The following CADPS2 variants were observed in gnomAD, a reference collection of about 807,000 sequenced individuals.
CADPS2 encodes the protein calcium dependent secretion activator 2.
CADPS2 carries 93 observed loss-of-function variants against 172.5 expected under a neutral mutation model. That is an observed-to-expected ratio of 0.54 (90% confidence interval 0.46 to 0.64). The LOEUF is 0.64. Among genes scored for constraint, CADPS2 ranks in the 30% least tolerant of loss-of-function variants. CADPS2 has a pLI of 0.00. For synonymous variants in CADPS2, 546 were observed against 555.2 expected (o/e 0.98, Z 0.23); for missense variants, 1,420 against 1,565.9 (o/e 0.91, Z 1.57).
At chr7:122,626,053 G>A (rs2134097324) in intron 4 of CADPS2, among the ~76,000 whole-genome samples, 1 of 152,344 alleles carries the variant, frequency 6.6e-6, no homozygotes, top group South Asian at 2.1e-4. Flanking sequence ...CATCGCCAAA[G>A]TGGATTGAGC....
intron 7 of CADPS2, among the ~76,000 whole-genome samples, chr7:122,562,101 T>C (rs914480620): frequency 6.6e-6 from 1 of 152,218 alleles, no homozygotes; most frequent in African/African-American, 2.4e-5. Flanking sequence ...TCTCAAAATC[T>C]ATGAAACTTT....
intron 14 of CADPS2, 141 bp downstream of exon 14, chr7:122,471,232 TTC>T: frequency 1.5e-6 from 1 of 681,526 alleles, no homozygotes; most frequent in Non-Finnish European, 2.3e-6. Flanking sequence ...GCACACTTTT[TTC>T]TCTGTCGTTT....
intron 1 of CADPS2, among the ~76,000 whole-genome samples, chr7:122,780,683 T>C (rs947719121): frequency 1.3e-5 from 2 of 152,166 alleles, no homozygotes; most frequent in Non-Finnish European, 2.9e-5. Flanking sequence ...TATTATTTTT[T>C]ATTTTTTGAG....
chr7:122,318,811 G>A lies in CADPS2; in HGVS notation c.*1354C>T, dbSNP rs1316534524. The A allele has an allele frequency of 6.6e-6, 1 of 152,136 alleles. No homozygotes were observed. Among genetic ancestry groups the A allele is most frequent in the Non-Finnish European group, 1.5e-5 (1 of 68,020 alleles). The allele number at this position is 152,136 out of a possible 1,614,324, so 9.4% of individuals were successfully genotyped here. ...CCTAACGACCACTTATTACACCATG[G>A]GAGAACGAATCTGGAGGTCCAAGTT... is the stretch of plus-strand genomic sequence containing the variant. On this transcript the variant is annotated 3_prime_UTR_variant, in exon 30 of 30. Coordinates refer to ENST00000449022, the MANE Select transcript of CADPS2 (RefSeq NM_017954.11).
At chr7:122,662,160 C>G (rs1563995352) in intron 3 of CADPS2, among the ~76,000 whole-genome samples, 1 of 152,038 alleles carries the variant, frequency 6.6e-6, no homozygotes, top group Non-Finnish European at 1.5e-5. Flanking sequence ...TAAAAACAAA[C>G]ATGTATATTA....
chr7:122,651,820 C>A (rs2079179681), intron 3 of CADPS2, among the ~76,000 whole-genome samples: 1 of 152,012 alleles, frequency 6.6e-6, no homozygotes, highest in Non-Finnish European at 1.5e-5. Flanking sequence ...TTTTAAGAGA[C>A]AAATATAGAA....
At chr7:122,816,953 A>G (rs916645817) in intron 1 of CADPS2, among the ~76,000 whole-genome samples, 3 of 151,744 alleles carry the variant, frequency 2.0e-5, no homozygotes, top group African/African-American at 7.3e-5. Context: ...TGGCTCAAAA[A>G]GCACCCCCAC....
chr7:122,663,654 C>T, intron 2 of CADPS2, 85 bp from the exon 3 acceptor site: 3 of 968,148 alleles, frequency 3.1e-6, no homozygotes, highest in Non-Finnish European at 4.5e-6. Context: ...AGCAATCCAG[C>T]CAGAGTTTCT....
At position 122,677,047 on chromosome 7, in the gene CADPS2, T is replaced by C. The variant is rs575544341; in HGVS notation, c.454-13478A>G. ...CACTCTGCGTACATTCCCACCCCCA[T>C]AGCTTAACCATTTGTTCAATAAATG... On this transcript the variant is annotated intron_variant, in intron 2 of 29. Coordinates refer to ENST00000449022, the MANE Select transcript of CADPS2 (RefSeq NM_017954.11). 3.3e-5 allele frequency among the ~76,000 whole-genome samples: 5 copies of C among 152,256 alleles called. No individual in the cohort carries two copies. In the South Asian group the frequency reaches 8.3e-4, roughly 25 times the overall value.
intron 3 of CADPS2, among the ~76,000 whole-genome samples, chr7:122,637,145 G>A (rs1252316312): frequency 8.1e-6 from 1 of 123,820 alleles, no homozygotes; most frequent in African/African-American, 3.1e-5. Context: ...CTGCTGTAAT[G>A]CTTCTGACTG....
intron 6 of CADPS2, among the ~76,000 whole-genome samples, chr7:122,598,302 A>G (rs943943310): frequency 1.3e-5 from 2 of 151,818 alleles, no homozygotes; most frequent in Non-Finnish European, 2.9e-5. Context: ...AATACCCCCT[A>G]TGTTTTTTAA....
intron 1 of CADPS2, among the ~76,000 whole-genome samples, chr7:122,783,068 C>T (rs984872178): frequency 2.0e-5 from 3 of 151,340 alleles, no homozygotes; most frequent in Non-Finnish European, 2.9e-5. Flanking sequence ...AAAAATTAGC[C>T]GGGCGTGGTG....
At chr7:122,600,706 G>A (rs2072631768) in intron 6 of CADPS2, among the ~76,000 whole-genome samples, 1 of 152,066 alleles carries the variant, frequency 6.6e-6, no homozygotes, top group African/African-American at 2.4e-5. Context: ...AGTTTGTTCA[G>A]AGCTGAACTT....
At chr7:122,498,721 G>T (rs934797273) in intron 9 of CADPS2, among the ~76,000 whole-genome samples, 1 of 151,620 alleles carries the variant, frequency 6.6e-6, no homozygotes, top group Non-Finnish European at 1.5e-5. Flanking sequence ...CAAATCTGCT[G>T]GTTCACTTTG....
intron 18 of CADPS2, among the ~76,000 whole-genome samples, chr7:122,415,601 CAAAA>C (rs549530021): frequency 1.5e-5 from 1 of 64,950 alleles, no homozygotes. Flanking sequence ...AATACAGAAC[CAAAA>C]AAAAAAAAAA....
intron 14 of CADPS2, among the ~76,000 whole-genome samples, chr7:122,455,494 T>C (rs1475987325): frequency 6.6e-6 from 1 of 152,032 alleles, no homozygotes; most frequent in East Asian, 1.9e-4. Flanking sequence ...CCTATTTGGT[T>C]ACTGTTTGCT....
chr7:122,538,550 C>CA (rs534163591), intron 8 of CADPS2, among the ~76,000 whole-genome samples: 2 of 151,246 alleles, frequency 1.3e-5, no homozygotes, highest in African/African-American at 2.4e-5. Flanking sequence ...TGTTTTAACA[C>CA]AAAAAAACTC....
intron 6 of CADPS2, among the ~76,000 whole-genome samples, chr7:122,583,005 C>G (rs994092413): frequency 1.3e-5 from 2 of 151,676 alleles, no homozygotes; most frequent in Non-Finnish European, 2.9e-5. Flanking sequence ...TGAACTTTGT[C>G]TTTGAACCTG....
chr7:122,457,713 T>C (rs1412536975), intron 14 of CADPS2, among the ~76,000 whole-genome samples: 1 of 152,236 alleles, frequency 6.6e-6, no homozygotes, highest in East Asian at 1.9e-4. Flanking sequence ...TATTACTTAA[T>C]GAAAACTATA....
Sources: gnomAD v4.1 joint callset for allele counts (sites outside exome capture counted in the v4.1 genomes callset) on GRCh38, gnomAD v4.1.1 for gene constraint, MANE v1.5 for transcripts, NCBI Gene and HGNC (gene_info 2026-07-23, HGNC 2026-07-21) for gene names.